The following CNNM1 variants were observed in gnomAD, a reference collection of about 807,000 sequenced individuals.
The protein encoded by CNNM1 is metal transporter CNNM1.
CNNM1 carries 44 observed loss-of-function variants against 78.8 expected under a neutral mutation model. That is an observed-to-expected ratio of 0.56 (90% confidence interval 0.44 to 0.72). The LOEUF (loss-of-function observed/expected upper bound fraction) is 0.72. CNNM1 is among the 30% of genes least tolerant of loss of function. CNNM1 has a pLI of 0.00. For synonymous variants in CNNM1, 584 were observed against 581.5 expected, an observed-to-expected ratio of 1.00 and a Z score of -0.06; for missense variants, 1,101 against 1,292.2, an observed-to-expected ratio of 0.85 and a Z score of 2.27.
In CNNM1 at chr10:99,384,962, A is replaced by C. The variant is rs191532085; in HGVS notation, c.2341-2858A>C. Among the ~76,000 whole-genome samples, 362 of 151,984 alleles carry C rather than the reference A, an allele frequency of 2.4e-3. 2 individuals are homozygous for C. The highest frequency in any genetic ancestry group is 8.2e-3 in the African/African-American group (341 of 41,428). On this transcript the variant is annotated intron_variant, in intron 7 of 10. Coordinates refer to ENST00000356713, the MANE Select transcript of CNNM1 (RefSeq NM_020348.3). ...TGTGCACCTATAGTCCCATCTACTC[A>C]GGAGCCTGAAACGAGAATTGCTTGA...
chr10:99,340,534 G>A (rs933887578), intron 1 of CNNM1, among the ~76,000 whole-genome samples: 1 of 152,168 alleles, frequency 6.6e-6, no homozygotes, highest in African/African-American at 2.4e-5. Flanking sequence ...GCATTTGGGT[G>A]TCTCCAAGGA....
chr10:99,357,546 TA>T lies in CNNM1; in HGVS notation c.1610del (p.Asn537MetfsTer11). ...ACCTGGCCATTGTCCAGCGGGTGAA[TA>T]ATGAGGGAGAAGGGGACCCTTTCTA... ...SHLAIVQRVN[N>X]EGEGDPFYEV... On this transcript the variant is annotated frameshift_variant, in exon 2 of 11. Coordinates refer to ENST00000356713, the MANE Select transcript of CNNM1 (RefSeq NM_020348.3). LOFTEE classifies it high-confidence loss of function. The T allele has an allele frequency of 6.2e-7, 1 of 1,613,638 alleles. No individual in the cohort carries two copies. The highest frequency in any genetic ancestry group is 1.1e-5 in the South Asian group (1 of 91,006).
At chr10:99,360,322 G>A (rs1277186151) in intron 2 of CNNM1, among the ~76,000 whole-genome samples, 3 of 152,128 alleles carry the variant, frequency 2.0e-5, no homozygotes, top group Admixed American at 6.6e-5. Flanking sequence ...GCCAGTTCAG[G>A]GCAAAGGAGG....
At chr10:99,359,591 G>C (rs954685840) in intron 2 of CNNM1, among the ~76,000 whole-genome samples, 2 of 152,154 alleles carry the variant, frequency 1.3e-5, no homozygotes, top group Non-Finnish European at 2.9e-5. Context: ...GCGGGCCATG[G>C]AAGAGCTGCA....
Position 99,368,434 on chromosome 10 carries a change from G to A in CNNM1, c.2176+3432G>A, listed in dbSNP as rs1246778694. The A allele has an allele frequency of 6.6e-5, 23 of 347,108 alleles. 1 individual carries two copies. The highest frequency in any genetic ancestry group is 4.0e-4 in the South Asian group (18 of 44,546). The allele number at this position is 347,108 out of a possible 1,614,324, so 21.5% of individuals were successfully genotyped here. The stretch of plus-strand genomic sequence containing the variant: ...CATTTTATTTTCTTGTCTTTCTGGA[G>A]TGTGACTTTGTAAGAGGATGTGATT... On this transcript the variant is annotated intron_variant, in intron 6 of 10. Transcript: ENST00000356713.
At chr10:99,359,004 CAAAAAAAAAAAA>C (rs769541046) in intron 2 of CNNM1, among the ~76,000 whole-genome samples, 30 of 51,520 alleles carry the variant, frequency 5.8e-4, no homozygotes, top group African/African-American at 1.2e-3. Flanking sequence ...AAGACTGTCT[CAAAAAAAAAAAA>C]AAAAAAAAAA....
chr10:99,341,089 T>C (rs546038304), intron 1 of CNNM1, among the ~76,000 whole-genome samples: 47 of 152,290 alleles, frequency 3.1e-4, no homozygotes, highest in African/African-American at 1.0e-3. Context: ...TCTGAACATA[T>C]AATAGATAGA....
At chr10:99,356,514 G>GAGAGAA (rs1554939981) in intron 1 of CNNM1, among the ~76,000 whole-genome samples, 3 of 142,642 alleles carry the variant, frequency 2.1e-5, no homozygotes, top group African/African-American at 8.1e-5. Context: ...GAGAGAGAAA[G>GAGAGAA]AGAAAGAGAG....
intron 6 of CNNM1, among the ~76,000 whole-genome samples, chr10:99,376,039 A>G (rs540278495): frequency 4.6e-5 from 7 of 152,338 alleles, no homozygotes; most frequent in African/African-American, 1.7e-4. Flanking sequence ...AGCATTCAGG[A>G]GATCTTTGAC....
intron 4 of CNNM1, among the ~76,000 whole-genome samples, chr10:99,363,774 T>C (rs996728828): frequency 1.0e-4 from 15 of 143,114 alleles, no homozygotes; most frequent in African/African-American, 4.0e-4. Flanking sequence ...AGACAGAGTC[T>C]CGCTCTGTCA....
chr10:99,385,323 G>A (rs979401417), intron 7 of CNNM1, among the ~76,000 whole-genome samples: 2 of 151,844 alleles, frequency 1.3e-5, no homozygotes, highest in Non-Finnish European at 2.9e-5. Context: ...CTTCTGTCCC[G>A]CTTCTCCACT....
At chr10:99,389,397 A>G (rs556732003) in intron 9 of CNNM1, among the ~76,000 whole-genome samples, 12 of 140,718 alleles carry the variant, frequency 8.5e-5, no homozygotes, top group African/African-American at 3.2e-4. Context: ...AGCCTGGGTG[A>G]CAGAGTGAGA....
intron 4 of CNNM1, among the ~76,000 whole-genome samples, chr10:99,363,154 C>T (rs974511738): frequency 1.1e-4 from 16 of 152,202 alleles, no homozygotes; most frequent in African/African-American, 3.6e-4. Flanking sequence ...ATCCTAAATA[C>T]ACTGATTGTA....
chr10:99,391,266 A>C (rs2032464226), intron 10 of CNNM1, among the ~76,000 whole-genome samples, 171 bp from the exon 11 acceptor site: 1 of 152,232 alleles, frequency 6.6e-6, no homozygotes, highest in South Asian at 2.1e-4. Context: ...ATCTTTCAAG[A>C]TGTAAATATG....
At chr10:99,345,073 G>A (rs1298049040) in intron 1 of CNNM1, among the ~76,000 whole-genome samples, 1 of 152,206 alleles carries the variant, frequency 6.6e-6, no homozygotes, top group Non-Finnish European at 1.5e-5. Flanking sequence ...ACCTGGGGTT[G>A]TTCCTGGCTC....
At position 99,366,780 on chromosome 10, in the gene CNNM1, C is replaced by CA. The variant is rs918146411; in HGVS notation, c.2176+1788dup. The stretch of plus-strand genomic sequence containing the variant: ...CTGGCTACAGAGCAAGATTCCATCT[C>CA]AAAAAAAAAATTGTTTTAAGTAGAA... On this transcript the variant is annotated intron_variant, in intron 6 of 10. Transcript: ENST00000356713. Among the ~76,000 whole-genome samples, 306 of 149,570 alleles carry CA rather than the reference C, an allele frequency of 2.0e-3. 3 individuals are homozygous for CA. The highest frequency in any genetic ancestry group is 6.1e-3 in the African/African-American group (251 of 40,866).
At chr10:99,376,665 A>T (rs902817686) in intron 6 of CNNM1, among the ~76,000 whole-genome samples, 5 of 152,206 alleles carry the variant, frequency 3.3e-5, no homozygotes, top group Non-Finnish European at 5.9e-5. Context: ...TACTGCCCTC[A>T]TCTCGTTCGG....
At chr10:99,391,129 G>A (rs370405716) in intron 10 of CNNM1, among the ~76,000 whole-genome samples, 2 of 152,254 alleles carry the variant, frequency 1.3e-5, no homozygotes, top group Non-Finnish European at 2.9e-5. Flanking sequence ...CCCAAGGGGC[G>A]CAGGAGGCAT....
intron 7 of CNNM1, among the ~76,000 whole-genome samples, chr10:99,380,890 C>G (rs1053992938): frequency 2.0e-5 from 3 of 152,004 alleles, no homozygotes; most frequent in Non-Finnish European, 4.4e-5. Flanking sequence ...TCACAAGGAA[C>G]ATAAAAGTCT....
Sources: allele counts gnomAD v4.1 joint callset (sites outside exome capture counted in the v4.1 genomes callset), GRCh38; gene constraint gnomAD v4.1.1; transcripts MANE v1.5; gene names NCBI Gene and HGNC (gene_info 2026-07-23, HGNC 2026-07-21).